The following UGGT2 variants were observed in gnomAD, a reference collection of about 807,000 sequenced individuals.
The protein encoded by UGGT2 is UDP-glucose glycoprotein glucosyltransferase 2.
In UGGT2, 180 loss-of-function variants were observed where a neutral mutation model predicts 192.1. The ratio of observed to expected loss-of-function variants is 0.94; its 90% CI spans 0.83 to 1.06. The LOEUF (loss-of-function observed/expected upper bound fraction) is 1.06, where lower values mean the gene tolerates loss of function less well. UGGT2 is among the 50% of genes least tolerant of loss of function. UGGT2 has a pLI of 0.00. For missense variants in UGGT2, 1,849 were observed against 1,795.7 expected, an observed-to-expected ratio of 1.03 and a Z score of -0.54; for synonymous variants, 580 against 591.0, an observed-to-expected ratio of 0.98 and a Z score of 0.27.
chr13:95,884,364 C>A, intron 27 of UGGT2, 127 bp downstream of exon 27: 1 of 791,570 alleles, frequency 1.3e-6, no homozygotes, highest in Admixed American at 4.0e-5. Flanking sequence ...GGATCAGGAC[C>A]TAGAATCATA....
At chr13:95,856,831 A>G (rs1889670353) in intron 33 of UGGT2, 1 of 212,716 alleles carries the variant, frequency 4.7e-6, no homozygotes, top group Non-Finnish European at 9.5e-6. Flanking sequence ...GAGATATATC[A>G]TTATTTAATT....
chr13:96,052,546 C>T (rs544538695), intron 1 of UGGT2, among the ~76,000 whole-genome samples: 2 of 152,180 alleles, frequency 1.3e-5, no homozygotes, highest in African/African-American at 4.8e-5. Flanking sequence ...TAGGGACACA[C>T]ACTGTTGCTG....
intron 36 of UGGT2, among the ~76,000 whole-genome samples, chr13:95,838,973 C>T (rs546185680): frequency 6.6e-6 from 1 of 152,260 alleles, no homozygotes; most frequent in African/African-American, 2.4e-5. Context: ...CACTGTCCCT[C>T]ATTCCTTGAT....
intron 22 of UGGT2, among the ~76,000 whole-genome samples, chr13:95,899,604 C>G (rs1351883156): frequency 6.6e-6 from 1 of 151,862 alleles, no homozygotes; most frequent in Non-Finnish European, 1.5e-5. Context: ...ATAGCTTTTC[C>G]CTAGTATATA....
chr13:96,022,955 A>G (rs558471336), intron 4 of UGGT2, 85 bp downstream of exon 4: 1 of 893,524 alleles, frequency 1.1e-6, no homozygotes, highest in East Asian at 3.0e-5. Context: ...TTAGAATATT[A>G]AATTTTTTTT....
chr13:95,976,203 C>T (rs921288617), intron 10 of UGGT2, among the ~76,000 whole-genome samples: 3 of 152,208 alleles, frequency 2.0e-5, no homozygotes, highest in Admixed American at 6.5e-5. Flanking sequence ...CTGTGTATGG[C>T]TTATTTCACT....
At chr13:96,040,805 AAC>A in intron 1 of UGGT2, among the ~76,000 whole-genome samples, 1 of 152,278 alleles carries the variant, frequency 6.6e-6, no homozygotes, top group East Asian at 1.9e-4. Context: ...TAAGGAGCAT[AAC>A]ACAGCAGTTC....
At chr13:95,997,915 A>G (rs927647117) in intron 6 of UGGT2, among the ~76,000 whole-genome samples, 6 of 152,238 alleles carry the variant, frequency 3.9e-5, no homozygotes, top group Non-Finnish European at 7.3e-5. Context: ...TTTGTTTGCT[A>G]TGTTCTGAAT....
intron 20 of UGGT2, among the ~76,000 whole-genome samples, chr13:95,914,030 C>T (rs1292671008): frequency 6.6e-6 from 1 of 151,994 alleles, no homozygotes. Flanking sequence ...GGGAATTGAA[C>T]AATGAGATCA....
chr13:95,936,991 T>A lies in UGGT2; in HGVS notation c.1910A>T (p.Glu637Val). The A allele has an allele frequency of 6.2e-7, 1 of 1,604,020 alleles. No homozygotes were observed. The highest frequency in any genetic ancestry group is 1.1e-5 in the South Asian group (1 of 88,594). ...TCTTTGAAGAACAGCCATTTTTAGT[T>A]CTTTAATATTCATCTCTTCATGTTT... ...PFKHEEMNIK[E>V]LKMAVLQRMM... Residue 637 changes from glutamate to valine, a missense_variant, in exon 17 of 39, where the codon GAA becomes GTA. Glu to Val is a moderately radical substitution (Grantham distance 121). Transcript: ENST00000376747.
At chr13:95,961,404 G>GA (rs2050387434) in intron 12 of UGGT2, among the ~76,000 whole-genome samples, 2 of 152,030 alleles carry the variant, frequency 1.3e-5, no homozygotes, top group Admixed American at 6.6e-5. Flanking sequence ...TAAAGGAATG[G>GA]AAAAAGATAA....
At chr13:95,994,544 T>G (rs1280331106) in intron 7 of UGGT2, among the ~76,000 whole-genome samples, 1 of 151,780 alleles carries the variant, frequency 6.6e-6, no homozygotes, top group Non-Finnish European at 1.5e-5. Flanking sequence ...TTCATTTATT[T>G]TATTCATGTT....
intron 12 of UGGT2, among the ~76,000 whole-genome samples, chr13:95,962,177 A>G (rs2050414691): frequency 6.6e-6 from 1 of 152,230 alleles, no homozygotes; most frequent in Non-Finnish European, 1.5e-5. Flanking sequence ...TCAAGGAAAT[A>G]GAAAAGCAAG....
At chr13:95,976,046 G>T (rs753402694) in intron 10 of UGGT2, among the ~76,000 whole-genome samples, 2 of 151,992 alleles carry the variant, frequency 1.3e-5, no homozygotes, top group African/African-American at 2.4e-5. Context: ...CTAATGAATA[G>T]ATCTTATTCC....
At chr13:95,965,259 A>AT (rs1305408097) in intron 12 of UGGT2, among the ~76,000 whole-genome samples, 1 of 150,712 alleles carries the variant, frequency 6.6e-6, no homozygotes, top group African/African-American at 2.4e-5. Flanking sequence ...CCAAAGGACT[A>AT]TAAATCATGC....
At chr13:95,878,225 T>C (rs1566626663) in intron 27 of UGGT2, among the ~76,000 whole-genome samples, 1 of 152,198 alleles carries the variant, frequency 6.6e-6, no homozygotes, top group African/African-American at 2.4e-5. Context: ...TTACTATCTA[T>C]TGGCTTTCTT....
rs1887774972 is a variant in UGGT2, at chr13:95,840,736, A to G, written c.4285-3534T>C. ...AAAGGATGATAAATCATTCTACTATAAAGACACACGCACATGTATGTTTAC... is the reference window on the plus strand; with the variant it reads ...AAAGGATGATAAATCATTCTACTATGAAGACACACGCACATGTATGTTTAC... On this transcript the variant is annotated intron_variant, in intron 36 of 38. Coordinates refer to ENST00000376747, the MANE Select transcript of UGGT2 (RefSeq NM_020121.4). Among the ~76,000 whole-genome samples the G allele has an allele frequency of 3.9e-5, 6 of 152,206 alleles. No homozygotes were observed. The South Asian group carries it at 1.0e-3, about 26-fold the overall frequency.
intron 12 of UGGT2, among the ~76,000 whole-genome samples, chr13:95,962,331 C>T (rs1306631129): frequency 6.6e-6 from 1 of 151,822 alleles, no homozygotes. Context: ...CTAACCATGA[C>T]AGAGAAGACC....
At chr13:95,988,857 C>T (rs1420897876) in intron 8 of UGGT2, among the ~76,000 whole-genome samples, 3 of 152,096 alleles carry the variant, frequency 2.0e-5, no homozygotes, top group Non-Finnish European at 2.9e-5. Flanking sequence ...CACTTATTAG[C>T]TGTGTGGTAA....
Sources: allele counts gnomAD v4.1 joint callset (sites outside exome capture counted in the v4.1 genomes callset), GRCh38; gene constraint gnomAD v4.1.1; transcripts MANE v1.5; gene names NCBI Gene and HGNC (gene_info 2026-07-23, HGNC 2026-07-21).